The following ABCA1 variants were observed in gnomAD, a reference collection of about 807,000 sequenced individuals.
The protein encoded by ABCA1 is ATP binding cassette subfamily A member 1.
A neutral mutation model predicts 262.5 loss-of-function variants in ABCA1; 133 were observed. That is an observed-to-expected ratio of 0.51 (90% CI 0.44 to 0.59). The LOEUF (loss-of-function observed/expected upper bound fraction) is 0.59, where lower values mean the gene tolerates loss of function less well. Ranked by LOEUF, ABCA1 falls within the 20% of genes least tolerant of loss-of-function variation. The probability of loss-of-function intolerance (pLI) is 0.00; values close to 1 mark genes in which losing one functional copy is unlikely to be tolerated. For synonymous variants in ABCA1, 1,022 were observed against 1,043.5 expected, an observed-to-expected ratio of 0.98 and a Z score of 0.40; for missense variants, 2,452 against 2,777.5, an observed-to-expected ratio of 0.88 and a Z score of 2.63.
intron 6 of ABCA1, among the ~76,000 whole-genome samples, chr9:104,860,979 C>T (rs1193440709): frequency 6.6e-6 from 1 of 152,096 alleles, no homozygotes; most frequent in African/African-American, 2.4e-5. Context: ...TGGTCTCGAA[C>T]TCCTGACCTC....
At chr9:104,889,222 G>A (rs759445434) in intron 2 of ABCA1, 27 bp from the exon 3 acceptor site, 14 of 1,609,310 alleles carry the variant, frequency 8.7e-6, no homozygotes, top group Non-Finnish European at 1.1e-5. Context: ...ATAGAACACT[G>A]TAAATTTAAA....
At chr9:104,921,420 A>C (rs1392744719) in intron 1 of ABCA1, among the ~76,000 whole-genome samples, 2 of 152,222 alleles carry the variant, frequency 1.3e-5, no homozygotes, top group East Asian at 3.8e-4. Flanking sequence ...TGTCACTCTT[A>C]TTAACAAAAA....
chr9:104,867,323 A>T (rs910088031), intron 5 of ABCA1, among the ~76,000 whole-genome samples: 1 of 152,182 alleles, frequency 6.6e-6, no homozygotes, highest in Non-Finnish European at 1.5e-5. Context: ...AAATGAGCAA[A>T]TGTACCTGCA....
At chr9:104,902,488 A>G (rs1166771400) in intron 2 of ABCA1, among the ~76,000 whole-genome samples, 1 of 152,228 alleles carries the variant, frequency 6.6e-6, no homozygotes, top group East Asian at 1.9e-4. Context: ...TCAGTTGAAC[A>G]ACAGCTGCCT....
intron 15 of ABCA1, 103 bp downstream of exon 15, chr9:104,828,813 T>C: frequency 1.8e-5 from 21 of 1,193,826 alleles, no homozygotes; most frequent in Non-Finnish European, 2.5e-5. Context: ...TATGACCCCT[T>C]CTCTACCAGA....
chr9:104,801,381 G>A (rs1160084943), intron 34 of ABCA1, among the ~76,000 whole-genome samples: 4 of 149,510 alleles, frequency 2.7e-5, no homozygotes, highest in East Asian at 4.1e-4. Flanking sequence ...CACCATGCCC[G>A]GCTAATTTTT....
chr9:104,884,683 T>A (rs943877594), intron 3 of ABCA1, 115 bp from the exon 4 acceptor site: 86 of 1,233,846 alleles, frequency 7.0e-5, no homozygotes, highest in Middle Eastern at 2.0e-4. Context: ...ATTCCCCACA[T>A]CCCAGAGACC....
At chr9:104,808,702 T>C (rs999204457) in intron 30 of ABCA1, among the ~76,000 whole-genome samples, 1 of 152,232 alleles carries the variant, frequency 6.6e-6, no homozygotes, top group African/African-American at 2.4e-5. Flanking sequence ...CCATTGAAAC[T>C]TGAAAGTCAA....
At chr9:104,829,229 G>A in intron 14 of ABCA1, 91 bp from the exon 15 acceptor site, 1 of 1,281,078 alleles carries the variant, frequency 7.8e-7, no homozygotes, top group Non-Finnish European at 1.1e-6. Flanking sequence ...ATGCTAGAGG[G>A]AGCACCACAT....
At chr9:104,791,551 C>T (rs1197208315) in intron 43 of ABCA1, among the ~76,000 whole-genome samples, 1 of 152,094 alleles carries the variant, frequency 6.6e-6, no homozygotes, top group South Asian at 2.1e-4. Flanking sequence ...CTCAGCCTCC[C>T]GAGTAGCTGG....
intron 1 of ABCA1, among the ~76,000 whole-genome samples, chr9:104,913,104 A>G (rs1461876540): frequency 6.6e-6 from 1 of 152,236 alleles, no homozygotes; most frequent in Non-Finnish European, 1.5e-5. Context: ...TCAGATGTTC[A>G]ACCTTCTCCC....
At chr9:104,846,984 T>C (rs1361163370) in intron 7 of ABCA1, among the ~76,000 whole-genome samples, 1 of 152,152 alleles carries the variant, frequency 6.6e-6, no homozygotes, top group Non-Finnish European at 1.5e-5. Flanking sequence ...GGAAAACTAT[T>C]ACAAACACAA....
rs1268103980 is a variant in ABCA1 at position 104,829,124 on chromosome 9, A to G, written c.1907T>C (p.Met636Thr). The change falls in exon 15 of 50, where the codon ATG becomes ACG. Residue 636 changes from methionine to threonine, a missense_variant. Around this residue, in one of 4 missense-constraint regions of ABCA1, gnomAD observed 1,032 missense variants for 1,089.7 expected, o/e 0.95. Transcript: ENST00000374736. The stretch of plus-strand genomic sequence containing the variant: ...CATGAAGAGGGGCATTGACCGGCTC[A>G]TCACCCGCAGAAAGCTGGAGGCCCC... ...CYVDDIFLRV[M>T]SRSMPLFMTL... The G allele has an allele frequency of 6.2e-7, 1 of 1,614,210 alleles. No individual in the cohort carries two copies. The highest frequency in any genetic ancestry group is 1.7e-5 in the Admixed American group (1 of 60,026).
At chr9:104,823,616 C>T (rs116972917) in intron 18 of ABCA1, among the ~76,000 whole-genome samples, 1 of 152,024 alleles carries the variant, frequency 6.6e-6, no homozygotes, top group East Asian at 1.9e-4. Context: ...GGAGGGGATC[C>T]GGAACTAGAT....
intron 16 of ABCA1, 150 bp from the exon 17 acceptor site, chr9:104,826,037 T>C: frequency 1.3e-6 from 1 of 775,832 alleles, no homozygotes; most frequent in South Asian, 1.6e-5. Context: ...AGAGTCCCTT[T>C]AGGGGAGTGG....
rs148781527 is a variant in ABCA1, at chr9:104,796,153, T to G, written c.5282A>C (p.Lys1761Thr). ...PLMYPASFVF[K>T]IPSTAYVVLT... Reference sequence around the variant, plus strand: ...CACCACATAGGCTGTGCTGGGGATCTTGAACACAAAGGAGGCTGGGTACAT... The same window carrying G: ...CACCACATAGGCTGTGCTGGGGATCGTGAACACAAAGGAGGCTGGGTACAT... Residue 1761 changes from lysine (K) to threonine (T), a missense_variant, in exon 39 of 50, where the codon AAG becomes ACG. By Grantham distance (78) the Lys-to-Thr change is moderately conservative. Transcript: ENST00000374736. 7 of 1,614,090 alleles carry G rather than the reference T, an allele frequency of 4.3e-6. No homozygotes were observed. In the African/African-American group the frequency reaches 9.3e-5, roughly 22 times the overall value.
chr9:104,804,091 A>G (rs1830567901), intron 32 of ABCA1, among the ~76,000 whole-genome samples: 2 of 152,136 alleles, frequency 1.3e-5, no homozygotes, highest in Admixed American at 1.3e-4. Flanking sequence ...GAGAACAAAC[A>G]TTTGCTGAGC....
chr9:104,875,025 A>G (rs59237458), intron 5 of ABCA1, among the ~76,000 whole-genome samples: 83,488 of 151,852 alleles, frequency 0.55, 25,962 homozygotes, highest in African/African-American at 0.86. Flanking sequence ...CCATGATGAC[A>G]ATGGCAGTTT....
chr9:104,831,221 CTTTT>C (rs745417929), intron 13 of ABCA1, 120 bp from the exon 14 acceptor site: 24 of 741,420 alleles, frequency 3.2e-5, no homozygotes, highest in Non-Finnish European at 4.5e-5. Flanking sequence ...ATTTTTGTAT[CTTTT>C]TTTTTTTTTG....
Sources: allele counts gnomAD v4.1 joint callset (sites outside exome capture counted in the v4.1 genomes callset), GRCh38; gene constraint gnomAD v4.1.1; regional missense constraint gnomAD v4.1.1; transcripts MANE v1.5; gene names NCBI Gene and HGNC (gene_info 2026-07-23, HGNC 2026-07-21).